Variants in PVT1 observed in about 807,000 individuals in gnomAD.
PVT1 encodes the protein CXCR4/PVT1 fusion.
chr8:127,924,136 C>G (rs180902303), intron 3 of PVT1, among the ~76,000 whole-genome samples: 2 of 152,124 alleles, frequency 1.3e-5, no homozygotes, highest in African/African-American at 2.4e-5. Flanking sequence ...TCTGTGTGTT[C>G]ATGGAGCTGT....
intron 4 of PVT1, among the ~76,000 whole-genome samples, chr8:128,005,493 G>C (rs559988096): frequency 1.2e-4 from 18 of 152,290 alleles, no homozygotes; most frequent in African/African-American, 3.6e-4. Context: ...CAACAGATAT[G>C]CCCTAGTCTT....
At chr8:127,983,959 A>G (rs1462439801) in intron 3 of PVT1, 1 of 147,740 alleles carries the variant, frequency 6.8e-6, no homozygotes, top group Non-Finnish European at 1.5e-5. Context: ...GGTCACTGCA[A>G]CCCCCACCTC....
chr8:127,827,161 A>C (rs865942464), intron 2 of PVT1, among the ~76,000 whole-genome samples: 11 of 151,760 alleles, frequency 7.2e-5, no homozygotes, highest in South Asian at 6.3e-4. Context: ...ATGCCCAGCT[A>C]ATTTTGTGTT....
intron 4 of PVT1, among the ~76,000 whole-genome samples, chr8:128,055,509 C>T (rs770249046): frequency 1.4e-4 from 22 of 152,216 alleles, no homozygotes; most frequent in Non-Finnish European, 2.1e-4. Context: ...CATAATGCTG[C>T]TTATTCTAAA....
rs140612091 is a variant in PVT1, at chr8:128,081,869, C to T, written n.1114+11508C>T. ...GGCTAAAACTAAACTATTGTAGATC[C>T]GTAGACCTGTATTTTGAGCCACCAG... On this transcript the variant is annotated intron_variant and non_coding_transcript_variant, in intron 5 of 10. Transcript: ENST00000651587. Among the ~76,000 whole-genome samples, 37 of 152,138 alleles carry T rather than the reference C, an allele frequency of 2.4e-4. No individual in the cohort carries two copies. The East Asian group carries it at 6.2e-3, about 25-fold the overall frequency.
chr8:127,842,438 A>AT (rs1193521837), intron 2 of PVT1, among the ~76,000 whole-genome samples: 4 of 151,198 alleles, frequency 2.6e-5, no homozygotes, highest in South Asian at 2.1e-4. Context: ...TTTAATTTAA[A>AT]TTTTTTTTGT....
intron 4 of PVT1, among the ~76,000 whole-genome samples, chr8:128,019,858 T>C (rs1429787786): frequency 6.6e-6 from 1 of 152,218 alleles, no homozygotes; most frequent in African/African-American, 2.4e-5. Flanking sequence ...GACAAAAAAG[T>C]AAACTTTGGT....
chr8:127,871,123 A>G (rs1371226513), intron 2 of PVT1, among the ~76,000 whole-genome samples: 3 of 152,178 alleles, frequency 2.0e-5, no homozygotes, highest in Non-Finnish European at 2.9e-5. Context: ...AAAAATAAAG[A>G]CAGAGAGCAA....
At chr8:127,802,812 G>A (rs1814480608) in intron 2 of PVT1, among the ~76,000 whole-genome samples, 1 of 152,172 alleles carries the variant, frequency 6.6e-6, no homozygotes, top group Admixed American at 6.5e-5. Flanking sequence ...GCACACTGCA[G>A]ATGTAACTGC....
intron 4 of PVT1, among the ~76,000 whole-genome samples, chr8:128,013,511 A>G (rs1175386069): frequency 6.6e-6 from 1 of 152,190 alleles, no homozygotes; most frequent in Non-Finnish European, 1.5e-5. Context: ...CATTCCACAA[A>G]TGTTTATTGA....
chr8:127,939,639 G>A (rs1816324414), intron 3 of PVT1: 1 of 152,214 alleles, frequency 6.6e-6, no homozygotes, highest in Non-Finnish European at 1.5e-5. Context: ...CTCCCTTGGT[G>A]TTCCCCTTTT....
chr8:128,065,155 G>A (rs55714301), intron 4 of PVT1, among the ~76,000 whole-genome samples: 12,292 of 152,140 alleles, frequency 0.081, 790 homozygotes, highest in Admixed American at 0.21. Flanking sequence ...GCGTGTGCAA[G>A]GGCTGGTTAC....
intron 3 of PVT1, among the ~76,000 whole-genome samples, chr8:127,899,497 C>T (rs1453032576): frequency 6.6e-6 from 1 of 152,236 alleles, no homozygotes; most frequent in Non-Finnish European, 1.5e-5. Flanking sequence ...AATGGGGTGA[C>T]AGTCCTCGTC....
rs186706286 is a variant in PVT1, at chr8:127,844,291, G to A, written n.373-46298G>A. On this transcript the variant is annotated intron_variant and non_coding_transcript_variant, in intron 2 of 10. Coordinates refer to ENST00000651587, the Ensembl canonical transcript of PVT1. The stretch of plus-strand genomic sequence containing the variant: ...TGCCCTCTCGTGAATGAGAAAAGCC[G>A]CCCAGTCCTGATTGCAGCCTCATAA... 1.7e-3 allele frequency among the ~76,000 whole-genome samples: 260 copies of A among 152,222 alleles called. 1 individual carries two copies. The highest frequency in any genetic ancestry group is 5.8e-3 in the African/African-American group (240 of 41,524).
chr8:127,978,711 C>G (rs1176628018), intron 3 of PVT1, among the ~76,000 whole-genome samples: 1 of 152,124 alleles, frequency 6.6e-6, no homozygotes, highest in Non-Finnish European at 1.5e-5. Context: ...GTCTAGAACT[C>G]GTGAAAACAG....
chr8:127,922,282 C>A (rs1205040088), intron 3 of PVT1, among the ~76,000 whole-genome samples: 1 of 143,874 alleles, frequency 7.0e-6, no homozygotes, highest in Admixed American at 6.9e-5. Context: ...ACCCACCCCC[C>A]CCCCCACCAA....
rs979227398 is a variant in PVT1, at chr8:127,936,254, G to A, written n.782+45256G>A. Among the ~76,000 whole-genome samples, 65 of 151,850 alleles carry A rather than the reference G, an allele frequency of 4.3e-4. 2 individuals carry two copies. The highest frequency in any genetic ancestry group is 7.4e-5 in the Non-Finnish European group (5 of 67,988). On this transcript the variant is annotated intron_variant and non_coding_transcript_variant, in intron 3 of 10. Coordinates refer to ENST00000651587, the Ensembl canonical transcript of PVT1. ...TTTAGGAGAGATGGGGTTTCTCCAT[G>A]TTGGTCGGGCTGGTCTCCAACTCCC...
At chr8:128,030,941 A>G (rs1056458385) in intron 4 of PVT1, among the ~76,000 whole-genome samples, 11 of 152,324 alleles carry the variant, frequency 7.2e-5, no homozygotes, top group African/African-American at 2.2e-4. Flanking sequence ...TTGTGGAAAC[A>G]GGGATCTCTC....
chr8:127,880,789 C>T (rs916687815), intron 2 of PVT1, among the ~76,000 whole-genome samples: 1 of 151,870 alleles, frequency 6.6e-6, no homozygotes, highest in African/African-American at 2.4e-5. Flanking sequence ...TTAGTAGAGA[C>T]GGGGTTTTGC....
Sources: gnomAD v4.1 joint callset for allele counts (sites outside exome capture counted in the v4.1 genomes callset) on GRCh38, gnomAD v4.1.1 for gene constraint, MANE v1.5 for transcripts, NCBI Gene and HGNC (gene_info 2026-07-23, HGNC 2026-07-21) for gene names.